FSIP1: variants seen among roughly 807,000 people sequenced by gnomAD.
FSIP1 encodes fibrous sheath-interacting protein 1.
Under a neutral mutation model 60.9 loss-of-function variants are expected in FSIP1, and 65 were observed. The observed-to-expected ratio is 1.07, with a 90% CI of 0.87 to 1.31. The LOEUF (loss-of-function observed/expected upper bound fraction) is 1.31. Ranked by LOEUF, FSIP1 falls within the 40% of genes most tolerant of loss-of-function variation. The pLI is 0.00. For missense variants in FSIP1, 675 were observed against 665.5 expected (o/e 1.01, Z -0.16); for synonymous variants, 209 against 221.2 (o/e 0.94, Z 0.49).
chr15:39,696,551 G>C (rs1355271436), intron 10 of FSIP1, among the ~76,000 whole-genome samples: 1 of 152,120 alleles, frequency 6.6e-6, no homozygotes, highest in Non-Finnish European at 1.5e-5. Context: ...GGACAATTTG[G>C]CAACACACAG....
intron 10 of FSIP1, among the ~76,000 whole-genome samples, chr15:39,649,248 A>G (rs1340627515): frequency 6.6e-6 from 1 of 152,258 alleles, no homozygotes; most frequent in Non-Finnish European, 1.5e-5. Flanking sequence ...CTGTAAAGCC[A>G]GTGTGGCTCC....
intron 9 of FSIP1, 80 bp from the exon 10 acceptor site, chr15:39,713,661 T>C (rs1011698202): frequency 6.9e-6 from 9 of 1,311,276 alleles, no homozygotes; most frequent in Non-Finnish European, 8.4e-6. Flanking sequence ...AACTGAGCCT[T>C]GAGGGTTAGC....
rs775091136 is a variant in FSIP1, at chr15:39,600,908, T to G, written c.1718A>C (p.Asp573Ala). 9 of 1,611,440 alleles carry G rather than the reference T, an allele frequency of 5.6e-6. No homozygotes were observed. Among genetic ancestry groups the G allele is most frequent in the African/African-American group, 2.7e-5 (2 of 74,810 alleles). The change falls in exon 12 of 12, where the codon GAT (aspartate) becomes GCT (alanine). Residue 573 changes from aspartate to alanine, a missense_variant. By Grantham distance (126) the Asp-to-Ala change is moderately radical (BLOSUM62 -2). Coordinates refer to ENST00000350221, the MANE Select transcript of FSIP1 (RefSeq NM_152597.5). ...NTIADEQETK[D>A]AAEECKEP ...GGGTTCTTTACATTCTTCTGCTGCATCTTTAGTCTCCTGCTCATCTGCACA... is the reference window on the plus strand; with the variant it reads ...GGGTTCTTTACATTCTTCTGCTGCAGCTTTAGTCTCCTGCTCATCTGCACA...
intron 5 of FSIP1, among the ~76,000 whole-genome samples, chr15:39,745,231 A>G (rs1223646712): frequency 1.3e-5 from 2 of 149,726 alleles, no homozygotes; most frequent in Non-Finnish European, 3.0e-5. Context: ...TATGCCATAC[A>G]ATTTTTAGAT....
At position 39,698,020 on chromosome 15, in the gene FSIP1, A is replaced by G. The variant is rs557700105; in HGVS notation, c.1188+15424T>C. Among the ~76,000 whole-genome samples, 17 of 152,034 alleles carry G rather than the reference A, an allele frequency of 1.1e-4. No homozygotes were observed. In the South Asian group the frequency reaches 3.5e-3, roughly 32 times the overall value. On this transcript the variant is annotated intron_variant, in intron 10 of 11. Coordinates refer to ENST00000350221, the MANE Select transcript of FSIP1 (RefSeq NM_152597.5). The stretch of plus-strand genomic sequence containing the variant: ...TTTAAAAAAAAAAATAAACCAATGT[A>G]TCTGAGTGCTACATAAATCACCTTT...
rs369627132 is a variant in FSIP1, at chr15:39,763,904, T to C, written c.476A>G (p.Tyr159Cys). The part of the protein sequence containing the change: ...KLWEEIKSAK[Y>C]SEAWQSKEEM... Reference sequence around the variant, plus strand: ...CTCTTTACTTTGCCAAGCTTCACTATATTTTGCAGACTAATGAAAGGAAAA... The same window carrying C: ...CTCTTTACTTTGCCAAGCTTCACTACATTTTGCAGACTAATGAAAGGAAAA... Residue 159 changes from tyrosine (Y) to cysteine (C), a missense_variant, in exon 5 of 12, where the codon TAT becomes TGT. Coordinates refer to ENST00000350221, the MANE Select transcript of FSIP1 (RefSeq NM_152597.5). 18 of 1,568,256 alleles carry C rather than the reference T, an allele frequency of 1.1e-5. No individual in the cohort carries two copies. The highest frequency in any genetic ancestry group is 1.4e-5 in the Non-Finnish European group (16 of 1,141,608).
intron 2 of FSIP1, among the ~76,000 whole-genome samples, chr15:39,774,566 A>T (rs1022035463): frequency 6.6e-6 from 1 of 152,210 alleles, no homozygotes; most frequent in Non-Finnish European, 1.5e-5. Flanking sequence ...CCACTATCAG[A>T]TATCAGTAAT....
In FSIP1 at chr15:39,765,634, C is replaced by A; in HGVS notation, c.423G>T (p.Lys141Asn). The A allele has an allele frequency of 6.2e-7, 1 of 1,604,854 alleles. No homozygotes were observed. Among genetic ancestry groups the A allele is most frequent in the South Asian group, 1.1e-5 (1 of 88,714 alleles). Reference sequence around the variant, plus strand: ...GCTTTATTCTCATTTCTAGACCTTGCTTCTTAATTTCTTTTTCTCTGCGTT... The same window carrying A: ...GCTTTATTCTCATTTCTAGACCTTGATTCTTAATTTCTTTTTCTCTGCGTT... ...KKQRREKEIK[K>N]QGLEMRIKLW... The change falls in exon 4 of 12, where the codon AAG becomes AAT. Residue 141 changes from lysine to asparagine, a missense_variant. Coordinates refer to ENST00000350221, the MANE Select transcript of FSIP1 (RefSeq NM_152597.5).
chr15:39,718,575 C>T (rs1895839570), intron 9 of FSIP1, among the ~76,000 whole-genome samples: 1 of 150,922 alleles, frequency 6.6e-6, no homozygotes, highest in Non-Finnish European at 1.5e-5. Context: ...ACTGCAGACT[C>T]GACCTCCCAG....
At chr15:39,625,168 G>C (rs1013985571) in intron 10 of FSIP1, among the ~76,000 whole-genome samples, 1 of 152,192 alleles carries the variant, frequency 6.6e-6, no homozygotes, top group South Asian at 2.1e-4. Context: ...CCTGGTGAGA[G>C]GCTGCTGTGG....
Position 39,770,483 on chromosome 15 carries a change from T to A in FSIP1, c.254A>T (p.Glu85Val). ...CAAATCCAGATCTTCATCTGATCCC[T>A]CTTCAGCCAATTTTATTTTCTCAGA... ...SCSEKIKLAE[E>V]GSDEDLDLVQ... The change falls in exon 3 of 12, where the codon GAG becomes GTG. Residue 85 changes from glutamate to valine, a missense_variant. Glu to Val is a moderately radical substitution (Grantham distance 121). Transcript: ENST00000350221. The A allele has an allele frequency of 6.2e-7, 1 of 1,612,040 alleles. No homozygotes were observed. Among genetic ancestry groups the A allele is most frequent in the Non-Finnish European group, 8.5e-7 (1 of 1,179,670 alleles).
intron 10 of FSIP1, among the ~76,000 whole-genome samples, chr15:39,658,249 T>C (rs34275067): frequency 0.11 from 13,879 of 129,510 alleles, 807 homozygotes; most frequent in East Asian, 0.22. Flanking sequence ...TAAGCAGACA[T>C]GATTTTTTTT....
At chr15:39,672,578 G>T (rs2140471661) in intron 10 of FSIP1, among the ~76,000 whole-genome samples, 1 of 152,244 alleles carries the variant, frequency 6.6e-6, no homozygotes, top group East Asian at 1.9e-4. Flanking sequence ...GCTTGAAAGT[G>T]CATCCAGTAT....
chr15:39,779,328 G>A (rs1898169543), intron 1 of FSIP1, among the ~76,000 whole-genome samples: 1 of 151,430 alleles, frequency 6.6e-6, no homozygotes, highest in African/African-American at 2.4e-5. Flanking sequence ...GACACATCAA[G>A]GAAGTAAGAG....
At chr15:39,642,528 T>C (rs557440726) in intron 10 of FSIP1, among the ~76,000 whole-genome samples, 1 of 152,350 alleles carries the variant, frequency 6.6e-6, no homozygotes, top group East Asian at 1.9e-4. Flanking sequence ...GAATAAAGAA[T>C]GCTGCATGGG....
At chr15:39,776,127 T>C (rs981181204) in intron 2 of FSIP1, among the ~76,000 whole-genome samples, 1 of 86,984 alleles carries the variant, frequency 1.1e-5, no homozygotes, top group African/African-American at 4.4e-5. Context: ...AAAAGGAAGG[T>C]GGGAGGGAGG....
At chr15:39,757,729 T>A (rs1400270513) in intron 5 of FSIP1, among the ~76,000 whole-genome samples, 1 of 152,100 alleles carries the variant, frequency 6.6e-6, no homozygotes, top group African/African-American at 2.4e-5. Context: ...TCTAATTAAA[T>A]CTGAAGAAGC....
chr15:39,774,565 G>A (rs1261429141), intron 2 of FSIP1, among the ~76,000 whole-genome samples: 2 of 151,912 alleles, frequency 1.3e-5, no homozygotes, highest in African/African-American at 4.8e-5. Context: ...GCCACTATCA[G>A]ATATCAGTAA....
At chr15:39,761,106 C>T (rs1254862224) in intron 5 of FSIP1, among the ~76,000 whole-genome samples, 4 of 152,056 alleles carry the variant, frequency 2.6e-5, no homozygotes, top group African/African-American at 9.7e-5. Context: ...AAAGGAAACC[C>T]TTGCAATCTG....
Sources: allele counts gnomAD v4.1 joint callset (sites outside exome capture counted in the v4.1 genomes callset), GRCh38; gene constraint gnomAD v4.1.1; transcripts MANE v1.5; gene names NCBI Gene and HGNC (gene_info 2026-07-23, HGNC 2026-07-21).